Variants in PPP1R1C observed in about 807,000 individuals in gnomAD.
PPP1R1C encodes protein phosphatase 1 regulatory inhibitor subunit 1C.
In PPP1R1C, 15 loss-of-function variants were observed where a neutral mutation model predicts 17.4. The observed-to-expected ratio is 0.86, with a 90% confidence interval of 0.58 to 1.33. The LOEUF (loss-of-function observed/expected upper bound fraction) is 1.33, where lower values mean the gene tolerates loss of function less well. Ranked by LOEUF, PPP1R1C falls within the 40% of genes most tolerant of loss-of-function variation. The pLI, the probability that PPP1R1C is intolerant of heterozygous loss-of-function variation, is 0.00. For missense variants in PPP1R1C, 143 were observed against 130.0 expected (o/e 1.10, Z -0.48); for synonymous variants, 35 against 43.1 (o/e 0.81, Z 0.73).
intron 1 of PPP1R1C, among the ~76,000 whole-genome samples, chr2:181,986,734 G>T (rs1460976421): frequency 6.6e-6 from 1 of 152,018 alleles, no homozygotes; most frequent in African/African-American, 2.4e-5. Context: ...AAATCGTTTT[G>T]TTCAGACATT....
intron 1 of PPP1R1C, among the ~76,000 whole-genome samples, chr2:181,959,057 A>G (rs1574338275): frequency 6.6e-6 from 1 of 152,346 alleles, no homozygotes; most frequent in Non-Finnish European, 1.5e-5. Context: ...ATTACCATAT[A>G]GTTTCCCAAA....
rs994700158 is a variant in PPP1R1C at position 181,967,878 on chromosome 2, G to A, written n.112-7341G>A. On this transcript the variant is annotated intron_variant and non_coding_transcript_variant, in intron 1 of 5. Coordinates refer to the PPP1R1C transcript ENST00000464264. This position sits in a 1 kb window ranked among gnomAD's most constrained non-coding sequence, Gnocchi z 5.5. Reference sequence around the variant, plus strand: ...TTACAGGCACGAGCCACCATGCCTGGCTAATTTTGTGTTTTTAGTAGAGAG... The same window carrying A: ...TTACAGGCACGAGCCACCATGCCTGACTAATTTTGTGTTTTTAGTAGAGAG... Among the ~76,000 whole-genome samples the A allele has an allele frequency of 3.3e-5, 5 of 152,118 alleles. No individual in the cohort carries two copies. Among genetic ancestry groups the A allele is most frequent in the African/African-American group, 1.2e-4 (5 of 41,416 alleles).
At chr2:181,975,039 T>C (rs1393642896) in intron 1 of PPP1R1C, among the ~76,000 whole-genome samples, 2 of 152,112 alleles carry the variant, frequency 1.3e-5, no homozygotes, top group Non-Finnish European at 2.9e-5. Flanking sequence ...ACATCAATCA[T>C]ATGGGGTTAC....
chr2:182,014,211 A>G (rs1173469090), intron 2 of PPP1R1C, among the ~76,000 whole-genome samples: 2 of 152,054 alleles, frequency 1.3e-5, no homozygotes, highest in East Asian at 3.9e-4. Flanking sequence ...AAGGGCATTG[A>G]GTGTTGTTAT....
At chr2:182,112,608 A>G (rs1343759725) in intron 4 of PPP1R1C, among the ~76,000 whole-genome samples, 1 of 152,188 alleles carries the variant, frequency 6.6e-6, no homozygotes, top group Non-Finnish European at 1.5e-5. Flanking sequence ...AGCTCAGCCA[A>G]TAACCACTAT....
At chr2:182,104,068 T>C (rs985603890) in intron 4 of PPP1R1C, among the ~76,000 whole-genome samples, 1 of 152,236 alleles carries the variant, frequency 6.6e-6, no homozygotes, top group Non-Finnish European at 1.5e-5. Flanking sequence ...TTCCTTATTT[T>C]CATTTTTAAG....
At chr2:182,032,908 AT>A (rs1686889624) in intron 2 of PPP1R1C, among the ~76,000 whole-genome samples, 1 of 152,178 alleles carries the variant, frequency 6.6e-6, no homozygotes, top group Non-Finnish European at 1.5e-5. Context: ...CTCTCTAGGC[AT>A]TACCTCATCT....
rs879570201 is a variant in PPP1R1C at position 182,028,397 on chromosome 2, T to G, written c.143-33045T>G. ...CACTGCTTTGAATGCATCCCAGAGA[T>G]TCTGGTATGTTGTGTCTTTGTTCTC... is the stretch of plus-strand genomic sequence containing the variant. On this transcript the variant is annotated intron_variant, in intron 2 of 4. Coordinates refer to ENST00000682840, the MANE Select transcript of PPP1R1C (RefSeq NM_001080545.3). 4.0e-3 allele frequency among the ~76,000 whole-genome samples: 608 copies of G among 151,420 alleles called. 5 individuals carry two copies. The highest frequency in any genetic ancestry group is 0.014 in the African/African-American group (577 of 41,266).
chr2:182,098,278 C>G (rs1175946699), intron 4 of PPP1R1C, among the ~76,000 whole-genome samples: 1 of 152,106 alleles, frequency 6.6e-6, no homozygotes, highest in Non-Finnish European at 1.5e-5. Context: ...GTTCTCTGCA[C>G]CACATGTATT....
intron 2 of PPP1R1C, among the ~76,000 whole-genome samples, chr2:182,050,670 A>G (rs1687485000): frequency 6.6e-6 from 1 of 152,214 alleles, no homozygotes; most frequent in South Asian, 2.1e-4. Flanking sequence ...TCCAGATCCT[A>G]GCCAAATTAA....
At chr2:181,966,480 C>G (rs1684906287) in intron 1 of PPP1R1C, among the ~76,000 whole-genome samples, 2 of 151,990 alleles carry the variant, frequency 1.3e-5, no homozygotes, top group African/African-American at 4.8e-5. Flanking sequence ...TATGTGTCTT[C>G]TATACCCAGT....
At chr2:182,124,819 T>C (rs1169094849) in intron 5 of PPP1R1C, among the ~76,000 whole-genome samples, 1 of 152,178 alleles carries the variant, frequency 6.6e-6, no homozygotes, top group African/African-American at 2.4e-5. Context: ...ATTTTCTAAA[T>C]ATATAATTGT....
In PPP1R1C at chr2:182,124,830, G is replaced by A. The variant is rs138694035; in HGVS notation, c.*7-4144G>A. 3.7e-3 allele frequency among the ~76,000 whole-genome samples: 569 copies of A among 152,224 alleles called. 7 individuals are homozygous for A. Among genetic ancestry groups the A allele is most frequent in the African/African-American group, 0.013 (530 of 41,544 alleles). ...TGGGATTTTCTAAATATATAATTGT[G>A]TCATCTGCAAACAGAGATAATTTGA... is the stretch of plus-strand genomic sequence containing the variant. On this transcript the variant is annotated intron_variant, in intron 5 of 5. Coordinates refer to the PPP1R1C transcript ENST00000280295.
chr2:182,120,814 T>C (rs1689716773), downstream of PPP1R1C, among the ~76,000 whole-genome samples: 1 of 152,138 alleles, frequency 6.6e-6, no homozygotes, highest in Non-Finnish European at 1.5e-5. Flanking sequence ...ATATACAGTA[T>C]AGCTTCTGGA....
At chr2:182,059,234 A>C (rs1440132224) in intron 2 of PPP1R1C, among the ~76,000 whole-genome samples, 1 of 152,144 alleles carries the variant, frequency 6.6e-6, no homozygotes, top group Non-Finnish European at 1.5e-5. Flanking sequence ...GGTCCTTGAG[A>C]AATGGAGAAA....
chr2:182,081,184 A>G (rs1349853701), intron 4 of PPP1R1C, among the ~76,000 whole-genome samples: 1 of 152,190 alleles, frequency 6.6e-6, no homozygotes, highest in South Asian at 2.1e-4. Context: ...TTTAGCTGCT[A>G]TTGGGCAAAT....
chr2:182,089,681 A>G (rs1688727176), intron 4 of PPP1R1C, among the ~76,000 whole-genome samples: 1 of 152,160 alleles, frequency 6.6e-6, no homozygotes, highest in South Asian at 2.1e-4. Context: ...AACGATATTC[A>G]AAGAGTAACA....
intron 2 of PPP1R1C, among the ~76,000 whole-genome samples, chr2:182,053,160 G>A (rs1451584733): frequency 1.3e-5 from 2 of 152,172 alleles, no homozygotes; most frequent in Non-Finnish European, 2.9e-5. Flanking sequence ...TCTGCTCTTA[G>A]AGTAGGACAA....
At chr2:182,010,617 T>C (rs1443471101) in intron 2 of PPP1R1C, among the ~76,000 whole-genome samples, 1 of 152,104 alleles carries the variant, frequency 6.6e-6, no homozygotes, top group African/African-American at 2.4e-5. Context: ...ACTTTATTTC[T>C]TTTTCTTATC....
Sources: allele counts gnomAD v4.1 joint callset (sites outside exome capture counted in the v4.1 genomes callset), GRCh38; gene constraint gnomAD v4.1.1; non-coding constraint Gnocchi (gnomAD v3.1); transcripts MANE v1.5; gene names NCBI Gene and HGNC (gene_info 2026-07-23, HGNC 2026-07-21).